HIBADH: variants seen among roughly 807,000 people sequenced by gnomAD.
HIBADH encodes the protein 3-hydroxyisobutyrate dehydrogenase, also known as 3-hydroxyisobutyrate dehydrogenase, mitochondrial.
A neutral mutation model predicts 36.1 loss-of-function variants in HIBADH; 25 were observed. That is an observed-to-expected ratio of 0.69 (90% CI 0.50 to 0.97). The LOEUF is 0.97. Among genes scored for constraint, HIBADH ranks in the 50% least tolerant of loss-of-function variants. HIBADH has a pLI of 0.00. For synonymous variants in HIBADH, 160 were observed against 149.5 expected, an observed-to-expected ratio of 1.07 and a Z score of -0.51; for missense variants, 421 against 418.0, an observed-to-expected ratio of 1.01 and a Z score of -0.06.
intron 4 of HIBADH, among the ~76,000 whole-genome samples, chr7:27,617,751 G>A (rs1226103780): frequency 6.6e-6 from 1 of 152,162 alleles, no homozygotes; most frequent in Non-Finnish European, 1.5e-5. Context: ...TGAACCACAA[G>A]AGAGCTCCTC....
chr7:27,561,990 G>C (rs1219747449), intron 4 of HIBADH, among the ~76,000 whole-genome samples: 1 of 152,038 alleles, frequency 6.6e-6, no homozygotes, highest in Non-Finnish European at 1.5e-5. Flanking sequence ...TATTTTCTGA[G>C]TCTTTATGTT....
intron 5 of HIBADH, 43 bp downstream of exon 5, chr7:27,542,924 A>G (rs1784177368): frequency 6.3e-7 from 1 of 1,590,624 alleles, no homozygotes; most frequent in African/African-American, 1.4e-5. Flanking sequence ...ACATTAGTCA[A>G]TTTTACATCA....
At position 27,662,872 on chromosome 7, in the gene HIBADH, T is replaced by C. The variant is rs899455276; in HGVS notation, c.-84A>G. On this transcript the variant is annotated 5_prime_UTR_variant, in exon 1 of 8. Coordinates refer to ENST00000265395, the MANE Select transcript of HIBADH (RefSeq NM_152740.4). Reference sequence around the variant, plus strand: ...TGCGAGCGTGTGCAGCGGGACTGGCTGGCTCGCCCACGGAGAAGGGCGCGC... The same window carrying C: ...TGCGAGCGTGTGCAGCGGGACTGGCCGGCTCGCCCACGGAGAAGGGCGCGC... 5.2e-6 allele frequency: 6 copies of C among 1,143,846 alleles called. No homozygotes were observed. The African/African-American group carries it at 6.5e-5, about 12-fold the overall frequency. The allele number at this position is 1,143,846 out of a possible 1,614,324, so 70.9% of individuals were successfully genotyped here.
chr7:27,530,212 T>G (rs1783971146), intron 7 of HIBADH, among the ~76,000 whole-genome samples: 1 of 152,126 alleles, frequency 6.6e-6, no homozygotes. Flanking sequence ...TTTTCTTTTT[T>G]TTTTTCTATT....
At chr7:27,542,617 A>T (rs926514751) in intron 5 of HIBADH, among the ~76,000 whole-genome samples, 1 of 151,542 alleles carries the variant, frequency 6.6e-6, no homozygotes, top group African/African-American at 2.4e-5. Context: ...ACACTCGACT[A>T]ATTTTTTTGT....
intron 5 of HIBADH, among the ~76,000 whole-genome samples, chr7:27,541,393 T>C (rs1784149512): frequency 6.6e-6 from 1 of 152,176 alleles, no homozygotes; most frequent in Admixed American, 6.5e-5. Flanking sequence ...AGTTGTCATA[T>C]TTTTCTTGAA....
intron 4 of HIBADH, among the ~76,000 whole-genome samples, chr7:27,618,151 A>T (rs1054142735): frequency 3.3e-5 from 5 of 152,192 alleles, no homozygotes; most frequent in African/African-American, 1.2e-4. Context: ...TCTCACACAG[A>T]GCATGGTACC....
intron 4 of HIBADH, among the ~76,000 whole-genome samples, chr7:27,570,227 C>T (rs1425834941): frequency 6.6e-6 from 1 of 151,802 alleles, no homozygotes; most frequent in East Asian, 2.0e-4. Context: ...GGTTTTTAGA[C>T]ACATTCAGTA....
At chr7:27,554,140 C>G (rs1784358962) in intron 4 of HIBADH, among the ~76,000 whole-genome samples, 1 of 152,220 alleles carries the variant, frequency 6.6e-6, no homozygotes, top group African/African-American at 2.4e-5. Context: ...CGCCCACTAC[C>G]ACAGCTGGCT....
At chr7:27,598,924 C>T (rs1163830015) in intron 4 of HIBADH, among the ~76,000 whole-genome samples, 1 of 151,728 alleles carries the variant, frequency 6.6e-6, no homozygotes, top group Non-Finnish European at 1.5e-5. Flanking sequence ...GGACTTCTTT[C>T]CCATACAAGC....
chr7:27,563,976 G>GT (rs1357829885), intron 4 of HIBADH, among the ~76,000 whole-genome samples: 14 of 146,070 alleles, frequency 9.6e-5, no homozygotes, highest in Admixed American at 2.8e-4. Flanking sequence ...TCGGCTCACT[G>GT]TAAGCTCTGC....
At chr7:27,535,502 T>C (rs1230925847) in intron 6 of HIBADH, among the ~76,000 whole-genome samples, 4 of 152,158 alleles carry the variant, frequency 2.6e-5, no homozygotes, top group Non-Finnish European at 5.9e-5. Flanking sequence ...GCAATGCAAG[T>C]AACTTGTTAT....
At chr7:27,557,569 C>T (rs1184398087) in intron 4 of HIBADH, among the ~76,000 whole-genome samples, 1 of 152,168 alleles carries the variant, frequency 6.6e-6, no homozygotes, top group East Asian at 1.9e-4. Flanking sequence ...CCAACAGGTT[C>T]AGTTGTCTGG....
At chr7:27,575,592 CTG>C (rs1416818425) in intron 4 of HIBADH, among the ~76,000 whole-genome samples, 1 of 152,070 alleles carries the variant, frequency 6.6e-6, no homozygotes, top group Non-Finnish European at 1.5e-5. Context: ...GTGGATATAA[CTG>C]TATAGCAGTG....
At chr7:27,555,979 T>C (rs993353035) in intron 4 of HIBADH, among the ~76,000 whole-genome samples, 3 of 152,132 alleles carry the variant, frequency 2.0e-5, no homozygotes, top group African/African-American at 7.2e-5. Flanking sequence ...AATAAACACC[T>C]TCAAGTGTAT....
chr7:27,530,431 T>C (rs558920272), intron 7 of HIBADH, among the ~76,000 whole-genome samples: 1 of 152,270 alleles, frequency 6.6e-6, no homozygotes, highest in East Asian at 1.9e-4. Flanking sequence ...GGTCTCGAAC[T>C]CCTGACCTCA....
intron 2 of HIBADH, among the ~76,000 whole-genome samples, chr7:27,646,539 G>T (rs569824118): frequency 6.7e-6 from 1 of 149,658 alleles, no homozygotes; most frequent in Non-Finnish European, 1.5e-5. Flanking sequence ...TTTCTGGTTT[G>T]TTTTTTTTTC....
intron 4 of HIBADH, among the ~76,000 whole-genome samples, chr7:27,616,693 C>T (rs1785434655): frequency 6.6e-6 from 1 of 152,108 alleles, no homozygotes; most frequent in Non-Finnish European, 1.5e-5. Context: ...AACTTCCGGG[C>T]TCAAGTGATG....
chr7:27,656,959 T>A (rs976175140), intron 1 of HIBADH, among the ~76,000 whole-genome samples: 2 of 152,182 alleles, frequency 1.3e-5, no homozygotes, highest in African/African-American at 4.8e-5. Context: ...TCCAATATTC[T>A]TTCCCGTAGA....
Sources: gnomAD v4.1 joint callset for allele counts (sites outside exome capture counted in the v4.1 genomes callset) on GRCh38, gnomAD v4.1.1 for gene constraint, MANE v1.5 for transcripts, NCBI Gene and HGNC (gene_info 2026-07-23, HGNC 2026-07-21) for gene names.